The following KIRREL3 variants were observed in gnomAD, a reference collection of about 807,000 sequenced individuals.
The protein encoded by KIRREL3 is kin of IRRE-like protein 3.
KIRREL3 carries 36 observed loss-of-function variants against 89.7 expected under a neutral mutation model. The observed-to-expected ratio is 0.40, with a 90% CI of 0.31 to 0.53. The LOEUF (loss-of-function observed/expected upper bound fraction) is 0.53, where lower values mean the gene tolerates loss of function less well. Among genes scored for constraint, KIRREL3 ranks in the 20% least tolerant of loss-of-function variants. The pLI is 0.49. For synonymous variants in KIRREL3, 445 were observed against 441.4 expected (o/e 1.01, Z -0.10); for missense variants, 864 against 1,056.6 (o/e 0.82, Z 2.53).
At chr11:126,591,787 G>A (rs572745056) in intron 1 of KIRREL3, among the ~76,000 whole-genome samples, 8 of 152,196 alleles carry the variant, frequency 5.3e-5, no homozygotes, top group African/African-American at 1.7e-4. Flanking sequence ...GTTGTCATAC[G>A]TATGACCATG....
chr11:126,463,148 G>A lies in KIRREL3; in HGVS notation c.742+9C>T, dbSNP rs756769680. On this transcript the variant is annotated intron_variant, in intron 6 of 16. Coordinates refer to ENST00000525144, the MANE Select transcript of KIRREL3 (RefSeq NM_032531.4). This position sits in a 1 kb window ranked among gnomAD's most constrained non-coding sequence, Gnocchi z 5.9. ...CAGGGCTGGGTTGGGGGAGGGGGTG[G>A]GTACTCACGCTGGATGTCAATGGTG... The A allele has an allele frequency of 2.5e-6, 4 of 1,611,548 alleles. No individual in the cohort carries two copies. The highest frequency in any genetic ancestry group is 3.4e-6 in the Non-Finnish European group (4 of 1,179,078).
intron 1 of KIRREL3, among the ~76,000 whole-genome samples, chr11:126,585,095 A>T (rs1941760890): frequency 7.0e-6 from 1 of 142,968 alleles, no homozygotes; most frequent in Admixed American, 7.0e-5. Context: ...AATTTTTTGT[A>T]TTTTTAGTAG....
At chr11:126,465,296 A>G (rs1956685436) in intron 5 of KIRREL3, among the ~76,000 whole-genome samples, 1 of 152,206 alleles carries the variant, frequency 6.6e-6, no homozygotes, top group Non-Finnish European at 1.5e-5. Flanking sequence ...AGACAGCAGC[A>G]TTATCTTTGA....
rs1938347117 is a variant in KIRREL3 at position 126,541,306 on chromosome 11, C to G, written c.134-14619G>C. Among the ~76,000 whole-genome samples, 1 of 152,172 alleles carries G rather than the reference C, an allele frequency of 6.6e-6. No homozygotes were observed. The highest frequency in any genetic ancestry group is 2.1e-4 in the South Asian group (1 of 4,826). ...CTTGGGCCTGACTCTTTAACTAAGACTCAGATGCCTTATCTGTAAAATGCA... is the reference window on the plus strand; with the variant it reads ...CTTGGGCCTGACTCTTTAACTAAGAGTCAGATGCCTTATCTGTAAAATGCA... On this transcript the variant is annotated intron_variant, in intron 2 of 16. Transcript: ENST00000525144. The surrounding 1 kb of genome is among the most constrained non-coding windows in gnomAD (Gnocchi z 4.8).
intron 1 of KIRREL3, among the ~76,000 whole-genome samples, chr11:126,828,305 C>T (rs1004576738): frequency 4.6e-5 from 7 of 152,180 alleles, no homozygotes; most frequent in East Asian, 3.9e-4. Context: ...CAAGGTGATG[C>T]GACCTGCTTG....
At position 126,981,091 on chromosome 11, in the gene KIRREL3, G is replaced by T. The variant is rs1949708568; in HGVS notation, c.55+19364C>A. On this transcript the variant is annotated intron_variant, in intron 1 of 16. Coordinates refer to ENST00000525144, the MANE Select transcript of KIRREL3 (RefSeq NM_032531.4). The surrounding 1 kb of genome is among the most constrained non-coding windows in gnomAD (Gnocchi z 4.2). Reference sequence around the variant, plus strand: ...TTGCTACAAAGTACTATTCTTACATGATTGGCCTGAAAGCCTTGATGCTGA... The same window carrying T: ...TTGCTACAAAGTACTATTCTTACATTATTGGCCTGAAAGCCTTGATGCTGA... Among the ~76,000 whole-genome samples, 1 of 152,200 alleles carries T rather than the reference G, an allele frequency of 6.6e-6. No homozygotes were observed. The highest frequency in any genetic ancestry group is 6.5e-5 in the Admixed American group (1 of 15,286).
At chr11:126,497,711 AC>A (rs1957718636) in intron 4 of KIRREL3, among the ~76,000 whole-genome samples, 1 of 152,194 alleles carries the variant, frequency 6.6e-6, no homozygotes, top group South Asian at 2.1e-4. Flanking sequence ...GATTTTTCTC[AC>A]CAGATGAAGA....
At position 126,771,824 on chromosome 11, in the gene KIRREL3, T is replaced by A. The variant is rs1950029517; in HGVS notation, c.56-208912A>T. ...ACTGGCTAATCCAGGTAGGCATGAA[T>A]GGTATCTTGCAGACATCTACCCTGA... On this transcript the variant is annotated intron_variant, in intron 1 of 16. Coordinates refer to ENST00000525144, the MANE Select transcript of KIRREL3 (RefSeq NM_032531.4). This position sits in a 1 kb window ranked among gnomAD's most constrained non-coding sequence, Gnocchi z 4.4. Among the ~76,000 whole-genome samples, 1 of 152,250 alleles carries A rather than the reference T, an allele frequency of 6.6e-6. No individual in the cohort carries two copies. Among genetic ancestry groups the A allele is most frequent in the Non-Finnish European group, 1.5e-5 (1 of 68,044 alleles).
intron 1 of KIRREL3, among the ~76,000 whole-genome samples, chr11:126,632,672 CA>C (rs374205925): frequency 0.1 from 1 of 10 alleles, no homozygotes; most frequent in South Asian, 0.5. Flanking sequence ...TTTTCTTGCT[CA>C]TCCTCCTTCC....
chr11:126,907,586 C>T (rs1946638940), intron 1 of KIRREL3, among the ~76,000 whole-genome samples: 1 of 152,180 alleles, frequency 6.6e-6, no homozygotes, highest in African/African-American at 2.4e-5. Flanking sequence ...TATTGGAGCT[C>T]TTCTACCATT....
At position 126,677,245 on chromosome 11, in the gene KIRREL3, T is replaced by A. The variant is rs1483687844; in HGVS notation, c.56-114333A>T. Among the ~76,000 whole-genome samples the A allele has an allele frequency of 6.6e-6, 1 of 152,116 alleles. No homozygotes were observed. The highest frequency in any genetic ancestry group is 1.9e-4 in the East Asian group (1 of 5,198). ...CTTAGCCTCAGCCTCTCCCTCCCCATCACCTGGGTTTTAGGCGACTACTAA... is the reference window on the plus strand; with the variant it reads ...CTTAGCCTCAGCCTCTCCCTCCCCAACACCTGGGTTTTAGGCGACTACTAA... On this transcript the variant is annotated intron_variant, in intron 1 of 16. Transcript: ENST00000525144. This position sits in a 1 kb window ranked among gnomAD's most constrained non-coding sequence, Gnocchi z 5.1.
intron 1 of KIRREL3, among the ~76,000 whole-genome samples, chr11:126,617,593 TG>T (rs1207360243): frequency 5.9e-5 from 9 of 152,204 alleles, no homozygotes; most frequent in African/African-American, 2.2e-4. Context: ...TATTGATGGT[TG>T]TAGAGCAAAT....
chr11:126,823,125 C>T (rs1366886567), intron 1 of KIRREL3, among the ~76,000 whole-genome samples: 1 of 152,192 alleles, frequency 6.6e-6, no homozygotes, highest in Non-Finnish European at 1.5e-5. Flanking sequence ...TCTGAGGCAA[C>T]TCAGCAAATC....
chr11:126,978,746 C>T lies in KIRREL3; in HGVS notation c.55+21709G>A, dbSNP rs984262841. ...TTCATGGTGGGAGTTTCTCTGAGCT[C>T]TGTTCCCCCAAGGTGGGCTAGGCAA... On this transcript the variant is annotated intron_variant, in intron 1 of 16. Coordinates refer to ENST00000525144, the MANE Select transcript of KIRREL3 (RefSeq NM_032531.4). The surrounding 1 kb of genome is among the most constrained non-coding windows in gnomAD (Gnocchi z 4.2). 6.6e-6 allele frequency among the ~76,000 whole-genome samples: 1 copy of T among 152,168 alleles called. No individual in the cohort carries two copies. The highest frequency in any genetic ancestry group is 1.5e-5 in the Non-Finnish European group (1 of 68,028).
At chr11:126,894,073 C>T (rs575372675) in intron 1 of KIRREL3, among the ~76,000 whole-genome samples, 1 of 152,308 alleles carries the variant, frequency 6.6e-6, no homozygotes, top group East Asian at 1.9e-4. Context: ...AAATACATTT[C>T]CACTGTTGAC....
chr11:126,854,053 CT>C (rs1191420267), intron 1 of KIRREL3, among the ~76,000 whole-genome samples: 12 of 145,788 alleles, frequency 8.2e-5, no homozygotes, highest in African/African-American at 1.3e-4. Context: ...GATTGTGGAT[CT>C]TTTTTTTTTC....
chr11:126,473,484 G>A lies in KIRREL3; in HGVS notation c.434-18C>T, dbSNP rs900974968. 1.3e-6 allele frequency: 2 copies of A among 1,531,756 alleles called. No individual in the cohort carries two copies. The highest frequency in any genetic ancestry group is 1.8e-5 in the Admixed American group (1 of 57,028). The allele number at this position is 1,531,756 out of a possible 1,614,324, so 94.9% of individuals were successfully genotyped here. A position where few individuals can be genotyped will look rare whatever the true frequency, so the allele number is the denominator to read the frequency against. On this transcript the variant is annotated intron_variant, in intron 4 of 16. Coordinates refer to ENST00000525144, the MANE Select transcript of KIRREL3 (RefSeq NM_032531.4). ...AGGCGGCACTGCGGGGAGAGAAGCA[G>A]TGAGGTCAGGCCGAGGCTCCCACCT...
At chr11:126,507,815 G>A (rs1168026279) in intron 4 of KIRREL3, among the ~76,000 whole-genome samples, 1 of 152,228 alleles carries the variant, frequency 6.6e-6, no homozygotes. Flanking sequence ...GAACCTGGAC[G>A]TGAGACGGGG....
chr11:126,430,024 A>G lies in KIRREL3; in HGVS notation c.1697-736T>C, dbSNP rs1051844962. Among the ~76,000 whole-genome samples, 1 of 151,892 alleles carries G rather than the reference A, an allele frequency of 6.6e-6. No individual in the cohort carries two copies. On this transcript the variant is annotated intron_variant, in intron 14 of 16. Transcript: ENST00000525144. This position sits in a 1 kb window ranked among gnomAD's most constrained non-coding sequence, Gnocchi z 6.6. ...GTGGTGGGTGCCTGTAATGCCAGCTACTCGGGAGGCTGAGCATGAGACTCG... is the reference window on the plus strand; with the variant it reads ...GTGGTGGGTGCCTGTAATGCCAGCTGCTCGGGAGGCTGAGCATGAGACTCG...
Sources: allele counts gnomAD v4.1 joint callset (sites outside exome capture counted in the v4.1 genomes callset), GRCh38; gene constraint gnomAD v4.1.1; non-coding constraint Gnocchi (gnomAD v3.1); transcripts MANE v1.5; gene names NCBI Gene and HGNC (gene_info 2026-07-23, HGNC 2026-07-21).